RBFOX1: variants seen among roughly 807,000 people sequenced by gnomAD.
RBFOX1 encodes RNA binding fox-1 homolog 1.
RBFOX1 carries 8 observed loss-of-function variants against 57.7 expected under a neutral mutation model. The observed-to-expected ratio is 0.14, with a 90% CI of 0.08 to 0.25. The LOEUF (loss-of-function observed/expected upper bound fraction) is 0.25. RBFOX1 is among the 10% of genes least tolerant of loss of function. The pLI is 1.00. For synonymous variants in RBFOX1, 326 were observed against 222.4 expected (o/e 1.47, Z -4.15); for missense variants, 611 against 548.5 (o/e 1.11, Z -1.14).
chr16:5,807,242 C>T (rs1189676866), intron 3 of RBFOX1, among the ~76,000 whole-genome samples: 3 of 152,216 alleles, frequency 2.0e-5, no homozygotes, highest in Admixed American at 2.0e-4. Context: ...GCCATCCCTC[C>T]TCTCCCTTCA....
At chr16:6,715,615 G>A (rs1313760362) in intron 3 of RBFOX1, among the ~76,000 whole-genome samples, 1 of 152,068 alleles carries the variant, frequency 6.6e-6, no homozygotes, top group Admixed American at 6.5e-5. Context: ...TTTCTCTTGT[G>A]GTCTCCTTTC....
chr16:5,915,756 C>G (rs1179696931), intron 4 of RBFOX1, among the ~76,000 whole-genome samples: 1 of 152,078 alleles, frequency 6.6e-6, no homozygotes, highest in South Asian at 2.1e-4. Context: ...TGCTTGAACC[C>G]TTGAGGTGGA....
At chr16:5,473,049 C>T (rs1008528243) in intron 2 of RBFOX1, among the ~76,000 whole-genome samples, 8 of 152,216 alleles carry the variant, frequency 5.3e-5, no homozygotes, top group African/African-American at 1.9e-4. Flanking sequence ...ATGAGGCTCT[C>T]AGAGCTGATG....
intron 4 of RBFOX1, among the ~76,000 whole-genome samples, chr16:7,113,038 G>C (rs1215479330): frequency 6.6e-6 from 1 of 152,198 alleles, no homozygotes; most frequent in African/African-American, 2.4e-5. Flanking sequence ...ACTGGAGTCA[G>C]AGAAAGCCTT....
At chr16:5,246,814 G>A (rs557359471) in intron 1 of RBFOX1, among the ~76,000 whole-genome samples, 1 of 151,956 alleles carries the variant, frequency 6.6e-6, no homozygotes, top group Non-Finnish European at 1.5e-5. Flanking sequence ...GGGAGTACAG[G>A]CATGCACCAC....
chr16:6,847,027 A>G (rs1603631803), intron 3 of RBFOX1, among the ~76,000 whole-genome samples: 1 of 152,206 alleles, frequency 6.6e-6, no homozygotes, highest in Non-Finnish European at 1.5e-5. Flanking sequence ...GTTAAATCCC[A>G]CAGCTGCAAA....
intron 4 of RBFOX1, among the ~76,000 whole-genome samples, chr16:5,876,455 T>C (rs1041543801): frequency 6.6e-6 from 1 of 152,110 alleles, no homozygotes; most frequent in African/African-American, 2.4e-5. Flanking sequence ...CTGGGGTGCT[T>C]AGAAAGTGAA....
At position 6,490,117 on chromosome 16, in the gene RBFOX1, C is replaced by T. The variant is rs577891910; in HGVS notation, c.-63-164486C>T. Reference sequence around the variant, plus strand: ...TGTTTGTTGTTCCACATTTAGGCCACGGGAATGACCATGCCTATCTCAGTC... The same window carrying T: ...TGTTTGTTGTTCCACATTTAGGCCATGGGAATGACCATGCCTATCTCAGTC... On this transcript the variant is annotated intron_variant, in intron 2 of 15. Coordinates refer to ENST00000550418, the MANE Select transcript of RBFOX1 (RefSeq NM_018723.4). Among the ~76,000 whole-genome samples the T allele has an allele frequency of 2.2e-4, 34 of 152,176 alleles. 1 individual carries two copies. Among genetic ancestry groups the T allele is most frequent in the South Asian group, 4.2e-4 (2 of 4,816 alleles).
chr16:7,436,101 A>G (rs1284494882), intron 4 of RBFOX1, among the ~76,000 whole-genome samples: 7 of 152,320 alleles, frequency 4.6e-5, no homozygotes, highest in Admixed American at 3.9e-4. Context: ...TGGAGAGTGT[A>G]ACTCAAGATA....
At chr16:5,790,310 A>G (rs760308534) in intron 3 of RBFOX1, among the ~76,000 whole-genome samples, 12 of 152,180 alleles carry the variant, frequency 7.9e-5, no homozygotes, top group Non-Finnish European at 1.8e-4. Context: ...AATGACACGT[A>G]TATGGGAAAG....
intron 1 of RBFOX1, among the ~76,000 whole-genome samples, chr16:5,322,671 C>T (rs1296967698): frequency 2.6e-5 from 4 of 152,136 alleles, no homozygotes; most frequent in Admixed American, 6.5e-5. Flanking sequence ...GCTCAAATCC[C>T]GTGGTTCCTA....
chr16:6,842,251 C>T (rs2093514463), intron 3 of RBFOX1, among the ~76,000 whole-genome samples: 1 of 152,038 alleles, frequency 6.6e-6, no homozygotes, highest in Non-Finnish European at 1.5e-5. Context: ...GACATGGTAT[C>T]ATTCTGTGGC....
chr16:7,236,913 C>T (rs983830175), intron 4 of RBFOX1, among the ~76,000 whole-genome samples: 2 of 152,118 alleles, frequency 1.3e-5, no homozygotes, highest in African/African-American at 4.8e-5. Flanking sequence ...TTTCTAGCAA[C>T]ATTACTATAA....
chr16:5,738,313 C>T (rs549545031), intron 3 of RBFOX1, among the ~76,000 whole-genome samples: 13 of 151,948 alleles, frequency 8.6e-5, no homozygotes, highest in South Asian at 4.2e-4. Context: ...ATATCAACAA[C>T]GCTGTTTCTT....
chr16:6,920,449 A>G (rs944302306), intron 3 of RBFOX1, among the ~76,000 whole-genome samples: 1 of 152,160 alleles, frequency 6.6e-6, no homozygotes, highest in African/African-American at 2.4e-5. Context: ...AGTTGATACG[A>G]AAAAGTTAGA....
intron 1 of RBFOX1, among the ~76,000 whole-genome samples, chr16:5,398,804 C>T (rs1205673514): frequency 4.6e-5 from 7 of 152,016 alleles, no homozygotes; most frequent in African/African-American, 1.7e-4. Context: ...CGTTGGAAAC[C>T]CTGCGCTCAT....
chr16:5,742,870 C>T (rs925711136), intron 3 of RBFOX1, among the ~76,000 whole-genome samples: 8 of 152,138 alleles, frequency 5.3e-5, no homozygotes, highest in Admixed American at 1.3e-4. Flanking sequence ...TCATTTGGGC[C>T]GAGAGATGGA....
At chr16:6,910,294 G>A (rs929313110) in intron 3 of RBFOX1, among the ~76,000 whole-genome samples, 20 of 151,978 alleles carry the variant, frequency 1.3e-4, no homozygotes, top group Admixed American at 1.3e-3. Context: ...AGGGAGTTGG[G>A]CACAGAGAAT....
chr16:6,569,031 C>T (rs532395542), intron 2 of RBFOX1, among the ~76,000 whole-genome samples: 1 of 152,224 alleles, frequency 6.6e-6, no homozygotes, highest in East Asian at 1.9e-4. Flanking sequence ...CCTCAGCCTC[C>T]CACAATACTG....
Sources: allele counts gnomAD v4.1 joint callset (sites outside exome capture counted in the v4.1 genomes callset), GRCh38; gene constraint gnomAD v4.1.1; transcripts MANE v1.5; gene names NCBI Gene and HGNC (gene_info 2026-07-23, HGNC 2026-07-21).